The following ANKS3 variants were observed in gnomAD, a reference collection of about 807,000 sequenced individuals.
The protein encoded by ANKS3 is ankyrin repeat and sterile alpha motif domain containing 3.
ANKS3 carries 62 observed loss-of-function variants against 80.7 expected under a neutral mutation model. The observed-to-expected ratio is 0.77, with a 90% CI of 0.63 to 0.95. ANKS3 has a LOEUF of 0.95. ANKS3 is among the 40% of genes least tolerant of loss of function. The pLI is 0.00. For missense variants in ANKS3, 1,150 were observed against 883.6 expected (o/e 1.30, Z -3.82); for synonymous variants, 489 against 355.3 (o/e 1.38, Z -4.23).
rs1392138217 is a variant in ANKS3, at chr16:4,720,388, G to A, written c.573+4362C>T. Among the ~76,000 whole-genome samples the A allele has an allele frequency of 2.0e-5, 3 of 150,578 alleles. 1 individual carries two copies. The highest frequency in any genetic ancestry group is 4.4e-5 in the Non-Finnish European group (3 of 67,416). The stretch of plus-strand genomic sequence containing the variant: ...GAGGCAGGAAAATCGCTTGAACCTG[G>A]GAGGCAGAGGTTGCAGTGAGCCGAG... On this transcript the variant is annotated intron_variant, in intron 6 of 17. Coordinates refer to ENST00000304283, the MANE Select transcript of ANKS3 (RefSeq NM_133450.4).
At chr16:4,700,841 G>A (rs946792665) in intron 11 of ANKS3, 129 bp downstream of exon 11, 6 of 1,239,068 alleles carry the variant, frequency 4.8e-6, no homozygotes, top group African/African-American at 1.5e-5. Flanking sequence ...AGCCTAACAG[G>A]CCATGGGGAT....
intron 5 of ANKS3, among the ~76,000 whole-genome samples, chr16:4,725,954 G>A (rs911411311): frequency 3.4e-5 from 5 of 148,884 alleles, no homozygotes; most frequent in East Asian, 2.0e-4. Context: ...CACTGAGCCC[G>A]GCCAAAACTC....
At chr16:4,697,479 T>G (rs1272614242) in intron 15 of ANKS3, 63 bp from the exon 16 acceptor site, 3 of 1,362,766 alleles carry the variant, frequency 2.2e-6, no homozygotes, top group African/African-American at 1.5e-5. Context: ...CCCTGCTTTA[T>G]TCTGAGCCCA....
Position 4,727,814 on chromosome 16 carries a change from T to C in ANKS3, c.171-637A>G, listed in dbSNP as rs929553573. 1.2e-4 allele frequency: 18 copies of C among 153,338 alleles called. 1 individual carries two copies. Among genetic ancestry groups the C allele is most frequent in the African/African-American group, 4.3e-4 (18 of 41,470 alleles). The allele number at this position is 153,338 out of a possible 1,614,324, so 9.5% of individuals were successfully genotyped here. A position where few individuals can be genotyped will look rare whatever the true frequency, so the allele number is the denominator to read the frequency against. On this transcript the variant is annotated intron_variant, in intron 3 of 17. Transcript: ENST00000304283. Reference sequence around the variant, plus strand: ...GAATCCCATCTTTCTCACTGATTGCTGTTAAAATTCTGGCAATGCATTTTC... The same window carrying C: ...GAATCCCATCTTTCTCACTGATTGCCGTTAAAATTCTGGCAATGCATTTTC...
intron 2 of ANKS3, among the ~76,000 whole-genome samples, chr16:4,730,491 G>A (rs541957472): frequency 6.6e-6 from 1 of 152,200 alleles, no homozygotes; most frequent in Non-Finnish European, 1.5e-5. Context: ...TGGATGGGCA[G>A]TGAAGAAATG....
At chr16:4,697,799 G>C (rs953930101) in intron 15 of ANKS3, among the ~76,000 whole-genome samples, 178 bp downstream of exon 15, 2 of 152,214 alleles carry the variant, frequency 1.3e-5, no homozygotes, top group African/African-American at 2.4e-5. Context: ...AGGTGAGGAA[G>C]TGGGCTTGGG....
chr16:4,712,131 G>A (rs952513871), intron 7 of ANKS3, among the ~76,000 whole-genome samples: 1 of 152,220 alleles, frequency 6.6e-6, no homozygotes, highest in African/African-American at 2.4e-5. Flanking sequence ...AGCACTTTGG[G>A]AGGCTGAGGC....
At chr16:4,726,879 C>T (rs1053151868) in intron 4 of ANKS3, 99 bp from the exon 5 acceptor site, 11 of 1,597,894 alleles carry the variant, frequency 6.9e-6, no homozygotes, top group Admixed American at 5.0e-5. Context: ...AGTGATTACA[C>T]GAGCACACAC....
intron 7 of ANKS3, among the ~76,000 whole-genome samples, chr16:4,711,392 C>G (rs951648516): frequency 1.3e-5 from 2 of 151,630 alleles, no homozygotes; most frequent in South Asian, 4.2e-4. Context: ...CATAAGCCAC[C>G]GCGCCTGGCC....
At chr16:4,732,104 C>T (rs1028245724) in intron 1 of ANKS3, among the ~76,000 whole-genome samples, 7 of 152,132 alleles carry the variant, frequency 4.6e-5, no homozygotes, top group Non-Finnish European at 7.3e-5. Context: ...ACGAACACTT[C>T]ACAGACCCTT....
intron 6 of ANKS3, among the ~76,000 whole-genome samples, chr16:4,718,729 C>T (rs920396703): frequency 6.6e-6 from 1 of 152,218 alleles, no homozygotes; most frequent in Admixed American, 6.5e-5. Context: ...CATCGGGCCA[C>T]CTGCTGCCAG....
chr16:4,712,169 G>A (rs1270821127), intron 7 of ANKS3, among the ~76,000 whole-genome samples: 3 of 151,850 alleles, frequency 2.0e-5, no homozygotes, highest in South Asian at 2.1e-4. Context: ...TCAGGAGTTC[G>A]AGACCAGCCT....
chr16:4,708,503 A>C (rs569161171), intron 7 of ANKS3, among the ~76,000 whole-genome samples: 3 of 152,350 alleles, frequency 2.0e-5, no homozygotes, highest in Admixed American at 6.5e-5. Flanking sequence ...TCAAAAAACT[A>C]GAACAACAAA....
At chr16:4,701,234 AC>A (rs1567313094) in intron 10 of ANKS3, 100 bp from the exon 11 acceptor site, 5 of 1,482,956 alleles carry the variant, frequency 3.4e-6, no homozygotes, top group Non-Finnish European at 1.8e-6. Context: ...GCTTCGTGAA[AC>A]CCCCCACCCG....
chr16:4,717,098 C>T (rs1217902254), intron 6 of ANKS3, among the ~76,000 whole-genome samples: 5 of 151,110 alleles, frequency 3.3e-5, no homozygotes, highest in East Asian at 1.9e-4. Flanking sequence ...AAAAATTAGC[C>T]GGGCGTGGTG....
intron 7 of ANKS3, among the ~76,000 whole-genome samples, chr16:4,707,815 A>G (rs927427024): frequency 1.3e-5 from 2 of 152,202 alleles, no homozygotes; most frequent in Non-Finnish European, 2.9e-5. Flanking sequence ...GGAACACTAA[A>G]AAATATTGAT....
chr16:4,723,040 G>C (rs2081182419), intron 6 of ANKS3, among the ~76,000 whole-genome samples: 1 of 152,176 alleles, frequency 6.6e-6, no homozygotes, highest in South Asian at 2.1e-4. Context: ...ATCAGGACTG[G>C]TGAGGACAAG....
At chr16:4,700,548 C>A in intron 11 of ANKS3, 1 of 346,406 alleles carries the variant, frequency 2.9e-6, no homozygotes, top group South Asian at 2.2e-5. Flanking sequence ...ACCTCTGATC[C>A]CTAAGGTAAT....
chr16:4,732,604 C>A (rs1238889492), intron 1 of ANKS3, among the ~76,000 whole-genome samples: 5 of 147,206 alleles, frequency 3.4e-5, no homozygotes, highest in Non-Finnish European at 7.4e-5. Flanking sequence ...ATCGCTTGAG[C>A]CTGGGAGGCG....
Sources: gnomAD v4.1 joint callset for allele counts (sites outside exome capture counted in the v4.1 genomes callset) on GRCh38, gnomAD v4.1.1 for gene constraint, MANE v1.5 for transcripts, NCBI Gene and HGNC (gene_info 2026-07-23, HGNC 2026-07-21) for gene names.